DLG2: variants seen among roughly 807,000 people sequenced by gnomAD.
DLG2 encodes the protein disks large homolog 2.
DLG2 carries 45 observed loss-of-function variants against 132.5 expected under a neutral mutation model. The ratio of observed to expected loss-of-function variants is 0.34; its 90% CI spans 0.27 to 0.44. The LOEUF is 0.44. Among genes scored for constraint, DLG2 ranks in the 20% least tolerant of loss-of-function variants. The pLI, the probability that DLG2 is intolerant of heterozygous loss-of-function variation, is 1.00. For synonymous variants in DLG2, 424 were observed against 419.6 expected (o/e 1.01, Z -0.13); for missense variants, 1,045 against 1,196.9 (o/e 0.87, Z 1.87).
chr11:84,391,507 A>T (rs1342383727), intron 7 of DLG2, among the ~76,000 whole-genome samples: 2 of 152,174 alleles, frequency 1.3e-5, no homozygotes, highest in Non-Finnish European at 2.9e-5. Flanking sequence ...TTTATATTAC[A>T]TTTCAATATT....
intron 18 of DLG2, among the ~76,000 whole-genome samples, chr11:83,743,696 T>A (rs934358834): frequency 2.0e-5 from 3 of 151,980 alleles, no homozygotes; most frequent in African/African-American, 7.3e-5. Flanking sequence ...ATCCTCCCAA[T>A]GTGGGGAGAT....
chr11:85,114,100 C>T (rs1739951381), intron 5 of DLG2, among the ~76,000 whole-genome samples: 1 of 151,976 alleles, frequency 6.6e-6, no homozygotes, highest in Non-Finnish European at 1.5e-5. Flanking sequence ...TAACATGGAT[C>T]AGGGAACCTA....
intron 9 of DLG2, among the ~76,000 whole-genome samples, chr11:84,107,843 G>T (rs572996562): frequency 6.6e-6 from 1 of 152,288 alleles, no homozygotes; most frequent in Admixed American, 6.5e-5. Context: ...GAAAACTTAA[G>T]TAAAGCTGTA....
At chr11:84,856,940 C>T (rs2082865946) in intron 6 of DLG2, among the ~76,000 whole-genome samples, 1 of 151,868 alleles carries the variant, frequency 6.6e-6, no homozygotes. Context: ...AGTAAAAGAA[C>T]CAAAAGTATG....
At chr11:84,474,845 T>A (rs137990408) in intron 7 of DLG2, among the ~76,000 whole-genome samples, 1 of 152,020 alleles carries the variant, frequency 6.6e-6, no homozygotes, top group East Asian at 1.9e-4. Flanking sequence ...GTGAATATAA[T>A]AGAATCAAAG....
chr11:83,830,000 C>T (rs905598176), intron 17 of DLG2, among the ~76,000 whole-genome samples: 7 of 152,058 alleles, frequency 4.6e-5, no homozygotes, highest in African/African-American at 1.4e-4. Context: ...TGCGGTGTTT[C>T]GTTTTCTGTC....
intron 7 of DLG2, among the ~76,000 whole-genome samples, chr11:84,414,393 A>G (rs1396157697): frequency 1.3e-5 from 2 of 152,138 alleles, no homozygotes; most frequent in Admixed American, 6.5e-5. Context: ...TATTTTTACT[A>G]TTGCTGCATA....
chr11:83,991,391 T>C (rs908322333), intron 11 of DLG2, among the ~76,000 whole-genome samples: 12 of 152,322 alleles, frequency 7.9e-5, no homozygotes, highest in South Asian at 2.1e-4. Context: ...AGCACATTGC[T>C]TTAATACCTA....
At chr11:85,204,866 G>GA (rs1417090567) in intron 4 of DLG2, among the ~76,000 whole-genome samples, 2 of 151,930 alleles carry the variant, frequency 1.3e-5, no homozygotes, top group African/African-American at 4.8e-5. Context: ...AGAGAATCCA[G>GA]AAATAAATCC....
At position 83,657,658 on chromosome 11, in the gene DLG2, C is replaced by T. The variant is rs543732206; in HGVS notation, c.1826-24333G>A. Reference sequence around the variant, plus strand: ...GGTTCACGCCATTCTCCTGCCTCAGCCTCCCGAGTAGCTGGGACTACAGGC... The same window carrying T: ...GGTTCACGCCATTCTCCTGCCTCAGTCTCCCGAGTAGCTGGGACTACAGGC... On this transcript the variant is annotated intron_variant, in intron 18 of 27. Transcript: ENST00000376104. Among the ~76,000 whole-genome samples, 263 of 150,822 alleles carry T rather than the reference C, an allele frequency of 1.7e-3. 1 individual carries two copies. The highest frequency in any genetic ancestry group is 3.2e-3 in the Admixed American group (48 of 15,174).
chr11:84,561,816 A>G (rs2099429272), intron 6 of DLG2, among the ~76,000 whole-genome samples: 1 of 152,154 alleles, frequency 6.6e-6, no homozygotes. Context: ...TGTACACAAT[A>G]CATATTAATT....
intron 7 of DLG2, among the ~76,000 whole-genome samples, chr11:84,372,524 A>T (rs1335457796): frequency 2.6e-5 from 4 of 152,210 alleles, no homozygotes; most frequent in Admixed American, 1.3e-4. Context: ...TTAACTTCCC[A>T]TGAACTATCT....
chr11:84,171,859 G>T (rs922534280), intron 8 of DLG2, among the ~76,000 whole-genome samples: 1 of 152,076 alleles, frequency 6.6e-6, no homozygotes, highest in Non-Finnish European at 1.5e-5. Context: ...CATTACAAAA[G>T]CCTGAGGCTT....
chr11:83,896,356 C>A (rs896049468), intron 15 of DLG2, among the ~76,000 whole-genome samples: 1 of 152,274 alleles, frequency 6.6e-6, no homozygotes, highest in East Asian at 1.9e-4. Context: ...TACTGCTGTC[C>A]GTAGCTGGTC....
intron 8 of DLG2, among the ~76,000 whole-genome samples, chr11:84,223,270 A>T (rs2096941190): frequency 6.6e-6 from 1 of 152,124 alleles, no homozygotes. Flanking sequence ...AATCGAGTAA[A>T]ATGCTTTTGC....
chr11:83,473,039 C>G (rs2136659464), intron 22 of DLG2, among the ~76,000 whole-genome samples: 1 of 152,208 alleles, frequency 6.6e-6, no homozygotes, highest in Middle Eastern at 3.4e-3. Flanking sequence ...TTCTTTCTGT[C>G]TGGCATTGAG....
intron 18 of DLG2, among the ~76,000 whole-genome samples, chr11:83,664,111 T>C (rs902105131): frequency 3.3e-5 from 5 of 152,144 alleles, no homozygotes; most frequent in Admixed American, 6.6e-5. Flanking sequence ...ACAGAAAGCA[T>C]CTAGTTCTCC....
At chr11:85,427,849 A>C (rs561482879) in intron 3 of DLG2, among the ~76,000 whole-genome samples, 2 of 152,244 alleles carry the variant, frequency 1.3e-5, no homozygotes, top group African/African-American at 4.8e-5. Context: ...ATAAAGAGTC[A>C]AGACCCATCA....
At chr11:84,923,143 C>A in intron 6 of DLG2, 1 of 1,613,564 alleles carries the variant, frequency 6.2e-7, no homozygotes, top group Non-Finnish European at 8.5e-7. Flanking sequence ...AGCATATGGA[C>A]CGGTATTCAG....
Sources: gnomAD v4.1 joint callset for allele counts (sites outside exome capture counted in the v4.1 genomes callset) on GRCh38, gnomAD v4.1.1 for gene constraint, MANE v1.5 for transcripts, NCBI Gene and HGNC (gene_info 2026-07-23, HGNC 2026-07-21) for gene names.